The following CNOT10 variants were observed in gnomAD, a reference collection of about 807,000 sequenced individuals.
The protein encoded by CNOT10 is CCR4-NOT transcription complex subunit 10, also known as CCR4-NOT transcription complex, subunit 10.
A neutral mutation model predicts 94.6 loss-of-function variants in CNOT10; 30 were observed. The ratio of observed to expected loss-of-function variants is 0.32; its 90% CI spans 0.24 to 0.43. The LOEUF is 0.43. Ranked by LOEUF, CNOT10 falls within the 20% of genes least tolerant of loss-of-function variation. CNOT10 has a pLI of 1.00. For missense variants in CNOT10, 759 were observed against 877.2 expected (o/e 0.87, Z 1.70); for synonymous variants, 289 against 301.6 (o/e 0.96, Z 0.43).
intron 6 of CNOT10, 30 bp from the exon 7 acceptor site, chr3:32,717,124 T>G: frequency 7.5e-7 from 1 of 1,339,998 alleles, no homozygotes; most frequent in Non-Finnish European, 1.0e-6. Flanking sequence ...CCACCATAGT[T>G]TTAACATACT....
chr3:32,750,081 C>T (rs888294580), intron 13 of CNOT10, among the ~76,000 whole-genome samples: 6 of 152,098 alleles, frequency 3.9e-5, no homozygotes, highest in South Asian at 2.1e-4. Flanking sequence ...CATGATAGCG[C>T]GTGCCTGTAT....
intron 2 of CNOT10, 144 bp from the exon 3 acceptor site, chr3:32,704,667 C>T (rs1397749428): frequency 1.2e-6 from 1 of 857,738 alleles, no homozygotes; most frequent in Non-Finnish European, 1.7e-6. Context: ...GCTTTAGTGA[C>T]TTTGATTAGT....
At chr3:32,731,579 G>A (rs922722211) in intron 10 of CNOT10, among the ~76,000 whole-genome samples, 1 of 152,064 alleles carries the variant, frequency 6.6e-6, no homozygotes. Context: ...GGTGTCAAGC[G>A]ATCTTCCCTC....
Position 32,695,639 on chromosome 3 carries a change from G to A in CNOT10, c.23-8229G>A, listed in dbSNP as rs1212325985. ...GTTTATTTAGAAATGAAGTCTATTGGTGTAAAGACTGTCAAGGTTTGTGGG... is the reference window on the plus strand; with the variant it reads ...GTTTATTTAGAAATGAAGTCTATTGATGTAAAGACTGTCAAGGTTTGTGGG... On this transcript the variant is annotated intron_variant, in intron 1 of 18. Coordinates refer to ENST00000328834, the MANE Select transcript of CNOT10 (RefSeq NM_015442.3). 2.6e-6 allele frequency: 4 copies of A among 1,535,746 alleles called. No individual in the cohort carries two copies. In the South Asian group the frequency reaches 3.6e-5, roughly 14 times the overall value.
intron 18 of CNOT10, among the ~76,000 whole-genome samples, chr3:32,772,507 G>A (rs1310825706): frequency 6.6e-6 from 1 of 152,022 alleles, no homozygotes; most frequent in Non-Finnish European, 1.5e-5. Context: ...GGGCAATATA[G>A]TGAGACCCTG....
chr3:32,728,358 C>T (rs75352874), intron 10 of CNOT10, among the ~76,000 whole-genome samples: 135 of 152,218 alleles, frequency 8.9e-4, no homozygotes, highest in Admixed American at 1.5e-3. Context: ...CAATGGCTCA[C>T]GCCTGTAATC....
At chr3:32,719,386 C>T (rs1698271134) in intron 7 of CNOT10, among the ~76,000 whole-genome samples, 1 of 152,224 alleles carries the variant, frequency 6.6e-6, no homozygotes, top group South Asian at 2.1e-4. Flanking sequence ...TGCCACTGTA[C>T]TCCAGCCTGG....
chr3:32,726,648 A>G (rs1312408824), intron 9 of CNOT10, among the ~76,000 whole-genome samples: 1 of 151,126 alleles, frequency 6.6e-6, no homozygotes, highest in East Asian at 2.0e-4. Flanking sequence ...GTGAGCCGAG[A>G]TCATGCCACT....
intron 9 of CNOT10, 136 bp from the exon 10 acceptor site, chr3:32,727,532 C>A: frequency 1.6e-6 from 1 of 634,352 alleles, no homozygotes. Flanking sequence ...CCACCATTGG[C>A]GAGAGCTATT....
chr3:32,764,936 A>T (rs570924020), intron 17 of CNOT10, 127 bp downstream of exon 17: 1 of 1,501,344 alleles, frequency 6.7e-7, no homozygotes, highest in African/African-American at 1.4e-5. Context: ...ACTTTCCCAG[A>T]TATAAAAATA....
chr3:32,715,595 A>G (rs1698084205), intron 5 of CNOT10, among the ~76,000 whole-genome samples: 1 of 151,778 alleles, frequency 6.6e-6, no homozygotes, highest in Non-Finnish European at 1.5e-5. Context: ...TTTTAGAAAG[A>G]TATTCTGAGT....
intron 15 of CNOT10, among the ~76,000 whole-genome samples, chr3:32,763,449 A>G (rs1163161994): frequency 5.3e-5 from 8 of 152,104 alleles, no homozygotes. Flanking sequence ...TCAGGAGTTC[A>G]AGACCAGCCT....
intron 7 of CNOT10, among the ~76,000 whole-genome samples, chr3:32,717,497 A>T (rs553371772): frequency 5.9e-5 from 9 of 151,514 alleles, no homozygotes. Context: ...TTTTTCTGTG[A>T]CTGGTTTATC....
At chr3:32,710,676 C>G (rs1011276879) in intron 4 of CNOT10, among the ~76,000 whole-genome samples, 3 of 152,038 alleles carry the variant, frequency 2.0e-5, no homozygotes, top group Non-Finnish European at 4.4e-5. Flanking sequence ...ACAGTTTTGC[C>G]TTTTCTACAG....
At chr3:32,727,293 AC>A (rs200631912) in intron 9 of CNOT10, among the ~76,000 whole-genome samples, 2 of 151,734 alleles carry the variant, frequency 1.3e-5, no homozygotes, top group East Asian at 1.9e-4. Context: ...ACATAGTGAG[AC>A]CCCCCCATCT....
chr3:32,727,818 A>G lies in CNOT10; in HGVS notation c.1163A>G (p.Asn388Ser), dbSNP rs1698748240. ...GAAGCTGTTCAGGTTTATCATGCAA[A>G]TCCTCGCCTCTGGCTACGGCTGGCT... is the stretch of plus-strand genomic sequence containing the variant. ...LIEAVQVYHA[N>S]PRLWLRLAEC... Residue 388 changes from asparagine to serine, a missense_variant, in exon 10 of 19, where the codon AAT (asparagine) becomes AGT (serine). By Grantham distance (46) the Asn-to-Ser change is conservative. This residue lies in a region of CNOT10 where 682 missense variants were observed against 799.4 expected (regional missense o/e 0.85). Coordinates refer to ENST00000328834, the MANE Select transcript of CNOT10 (RefSeq NM_015442.3). The G allele has an allele frequency of 6.2e-7, 1 of 1,613,588 alleles. No individual in the cohort carries two copies. Among genetic ancestry groups the G allele is most frequent in the Non-Finnish European group, 8.5e-7 (1 of 1,179,940 alleles).
At chr3:32,742,016 C>A (rs1182528433) in intron 13 of CNOT10, among the ~76,000 whole-genome samples, 1 of 150,506 alleles carries the variant, frequency 6.6e-6, no homozygotes. Context: ...AGTGCAATGG[C>A]ATGACCTCGG....
chr3:32,753,326 A>G, intron 13 of CNOT10: 1 of 1,109,582 alleles, frequency 9.0e-7, no homozygotes, highest in South Asian at 1.2e-5. Context: ...GTCAAAAATC[A>G]GGTATGACTG....
chr3:32,726,759 T>G (rs1698687834), intron 9 of CNOT10, among the ~76,000 whole-genome samples: 1 of 148,986 alleles, frequency 6.7e-6, no homozygotes, highest in African/African-American at 2.5e-5. Context: ...AAATGTATTA[T>G]AAATCAAGGT....
Sources: gnomAD v4.1 joint callset for allele counts (sites outside exome capture counted in the v4.1 genomes callset) on GRCh38, gnomAD v4.1.1 for gene constraint, gnomAD v4.1.1 regional missense constraint, MANE v1.5 for transcripts, NCBI Gene and HGNC (gene_info 2026-07-23, HGNC 2026-07-21) for gene names.